ADCY8: variants seen among roughly 807,000 people sequenced by gnomAD.
ADCY8 encodes the protein adenylate cyclase type 8.
A neutral mutation model predicts 119.7 loss-of-function variants in ADCY8; 51 were observed. The ratio of observed to expected loss-of-function variants is 0.43; its 90% confidence interval spans 0.34 to 0.54. The LOEUF (loss-of-function observed/expected upper bound fraction) is 0.54. ADCY8 is among the 20% of genes least tolerant of loss of function. The probability of loss-of-function intolerance (pLI) is 0.03; values close to 1 mark genes in which losing one functional copy is unlikely to be tolerated. For missense variants in ADCY8, 1,383 were observed against 1,598.8 expected, an observed-to-expected ratio of 0.87 and a Z score of 2.30; for synonymous variants, 665 against 651.0, an observed-to-expected ratio of 1.02 and a Z score of -0.33.
At chr8:130,980,209 G>T (rs1201278166) in intron 2 of ADCY8, among the ~76,000 whole-genome samples, 4 of 152,132 alleles carry the variant, frequency 2.6e-5, no homozygotes, top group Non-Finnish European at 4.4e-5. Flanking sequence ...GGATACCAGT[G>T]ATATTGAATT....
chr8:130,881,477 G>A (rs752602243), intron 8 of ADCY8, among the ~76,000 whole-genome samples: 63 of 152,106 alleles, frequency 4.1e-4, no homozygotes, highest in Non-Finnish European at 7.1e-4. Flanking sequence ...TTGTTCAAAC[G>A]GAATAAAGCC....
At chr8:130,897,955 ACAC>A (rs1819462836) in intron 7 of ADCY8, among the ~76,000 whole-genome samples, 1 of 146,578 alleles carries the variant, frequency 6.8e-6, no homozygotes, top group Admixed American at 6.7e-5. Flanking sequence ...AACACACACC[ACAC>A]CACACCACAC....
chr8:130,826,159 T>C (rs1341159652), intron 12 of ADCY8, among the ~76,000 whole-genome samples: 2 of 152,232 alleles, frequency 1.3e-5, no homozygotes, highest in Non-Finnish European at 2.9e-5. Context: ...ATAGTTTCCC[T>C]ATCATTAAAA....
intron 2 of ADCY8, among the ~76,000 whole-genome samples, chr8:130,989,331 G>T (rs966531897): frequency 1.3e-5 from 2 of 152,134 alleles, no homozygotes; most frequent in African/African-American, 4.8e-5. Context: ...CACGGACCTG[G>T]CTTCACTTAC....
At chr8:130,933,123 G>T (rs566660554) in intron 5 of ADCY8, among the ~76,000 whole-genome samples, 13 of 152,268 alleles carry the variant, frequency 8.5e-5, no homozygotes, top group Non-Finnish European at 1.5e-4. Flanking sequence ...GAAAGGGAAA[G>T]ACAAAACCTC....
intron 5 of ADCY8, among the ~76,000 whole-genome samples, chr8:130,911,042 CAA>C (rs1426155306): frequency 6.6e-6 from 1 of 151,992 alleles, no homozygotes; most frequent in African/African-American, 2.4e-5. Flanking sequence ...ACAAGTGTTC[CAA>C]ATTTGCTGAT....
At position 130,867,941 on chromosome 8, in the gene ADCY8, A is replaced by T. The variant is rs1818185738; in HGVS notation, c.2115T>A (p.Ser705=). The change falls in exon 9 of 18, where the codon TCT becomes TCA. Residue 705 remains serine (S), a synonymous_variant. Coordinates refer to ENST00000286355, the MANE Select transcript of ADCY8 (RefSeq NM_001115.3). The part of the protein sequence containing the change: ...FKDSSLEHKY[S]QMRDEVFKSN... ...ACTTGAACACTTCATCCCTCATTTG[A>T]GAATACTGTAATTAAAAAAAGAGAG... The T allele has an allele frequency of 6.2e-7, 1 of 1,604,706 alleles. No individual in the cohort carries two copies. Among genetic ancestry groups the T allele is most frequent in the African/African-American group, 1.3e-5 (1 of 74,852 alleles).
chr8:131,035,110 A>G (rs1329799), intron 1 of ADCY8, among the ~76,000 whole-genome samples: 3,707 of 152,296 alleles, frequency 0.024, 49 homozygotes, highest in East Asian at 0.057. Context: ...AATTGGTGAT[A>G]CAAACAATTG....
intron 8 of ADCY8, among the ~76,000 whole-genome samples, chr8:130,879,003 C>T (rs1209228990): frequency 6.6e-6 from 1 of 152,152 alleles, no homozygotes; most frequent in Non-Finnish European, 1.5e-5. Context: ...TTTTGGAACA[C>T]TTAGCTTAAT....
At position 130,884,547 on chromosome 8, in the gene ADCY8, T is replaced by A; in HGVS notation, c.2109+17A>T. On this transcript the variant is annotated intron_variant, in intron 8 of 17. Transcript: ENST00000286355. ...AATTTACTCAGAAAAAGAGCCGCTG[T>A]GGAGACCCAGCTCTACCTTGTGCTC... The A allele has an allele frequency of 6.2e-7, 1 of 1,613,182 alleles. No individual in the cohort carries two copies. The highest frequency in any genetic ancestry group is 8.5e-7 in the Non-Finnish European group (1 of 1,179,570).
intron 6 of ADCY8, among the ~76,000 whole-genome samples, chr8:130,909,051 T>C (rs1819889481): frequency 6.6e-6 from 1 of 151,396 alleles, no homozygotes; most frequent in African/African-American, 2.4e-5. Context: ...CATCCATCCA[T>C]CCATCCATCC....
At position 130,780,737 on chromosome 8, in the gene ADCY8, A is replaced by T. The variant is rs765893822; in HGVS notation, c.3409T>A (p.Tyr1137Asn). 2.5e-6 allele frequency: 4 copies of T among 1,614,218 alleles called. No individual in the cohort carries two copies. The Admixed American group carries it at 6.7e-5, about 27-fold the overall frequency. Reference sequence around the variant, plus strand: ...AAGCCCTGGTCCTTCAGGATGAGATAGGTCTCCTCTGGGACTTGGATCCGG... The same window carrying T: ...AAGCCCTGGTCCTTCAGGATGAGATTGGTCTCCTCTGGGACTTGGATCCGG... ...SGRIQVPEET[Y>N]LILKDQGFAF... is the part of the protein sequence containing the mutation. Residue 1137 changes from tyrosine to asparagine, a missense_variant, in exon 18 of 18, where the codon TAT becomes AAT. Around this residue, in one of 2 missense-constraint regions of ADCY8, gnomAD observed 928 missense variants for 1,163.5 expected, o/e 0.80. Transcript: ENST00000286355.
chr8:130,966,734 C>G (rs1821773749), intron 2 of ADCY8, among the ~76,000 whole-genome samples: 1 of 152,194 alleles, frequency 6.6e-6, no homozygotes, highest in Admixed American at 6.5e-5. Context: ...GGACAACCTG[C>G]TGAACCCCTC....
intron 4 of ADCY8, among the ~76,000 whole-genome samples, chr8:130,942,959 T>C (rs1296046786): frequency 6.6e-6 from 1 of 152,210 alleles, no homozygotes; most frequent in East Asian, 1.9e-4. Context: ...GAGAACATGC[T>C]AATTCATCCC....
At chr8:130,954,362 G>A (rs59983985) in intron 2 of ADCY8, among the ~76,000 whole-genome samples, 132,041 of 152,122 alleles carry the variant, frequency 0.87, 59,467 homozygotes, top group Non-Finnish European at 0.98. Context: ...GACCTAGTTA[G>A]GAAGATGTTC....
At chr8:130,988,815 G>A (rs1324649162) in intron 2 of ADCY8, among the ~76,000 whole-genome samples, 1 of 152,186 alleles carries the variant, frequency 6.6e-6, no homozygotes, top group Non-Finnish European at 1.5e-5. Context: ...GAAGCAAAAA[G>A]TCTTATGGAG....
At chr8:130,974,417 C>T (rs2130711013) in intron 2 of ADCY8, among the ~76,000 whole-genome samples, 1 of 152,282 alleles carries the variant, frequency 6.6e-6, no homozygotes, top group South Asian at 2.1e-4. Context: ...ACAGCCAGTG[C>T]AGTATTTTTT....
chr8:130,919,868 GAAGTCACT>G (rs1820247242), intron 5 of ADCY8, among the ~76,000 whole-genome samples: 1 of 152,118 alleles, frequency 6.6e-6, no homozygotes, highest in South Asian at 2.1e-4. Flanking sequence ...GCAATGAGCT[GAAGTCACT>G]TCAACTATCC....
At chr8:131,026,013 C>T (rs1221010395) in intron 1 of ADCY8, among the ~76,000 whole-genome samples, 2 of 152,196 alleles carry the variant, frequency 1.3e-5, no homozygotes, top group African/African-American at 4.8e-5. Flanking sequence ...TGCCTGCATG[C>T]AGCACACTGT....
Sources: allele counts gnomAD v4.1 joint callset (sites outside exome capture counted in the v4.1 genomes callset), GRCh38; gene constraint gnomAD v4.1.1; regional missense constraint gnomAD v4.1.1; transcripts MANE v1.5; gene names NCBI Gene and HGNC (gene_info 2026-07-23, HGNC 2026-07-21).